Variants in ARHGEF11 observed in about 807,000 individuals in gnomAD.
ARHGEF11 encodes Rho guanine exchange factor (GEF) 11.
A neutral mutation model predicts 193.7 loss-of-function variants in ARHGEF11; 55 were observed. That is an observed-to-expected ratio of 0.28 (90% CI 0.23 to 0.36). ARHGEF11 has a LOEUF of 0.36. ARHGEF11 is among the 10% of genes least tolerant of loss of function. The pLI, the probability that ARHGEF11 is intolerant of heterozygous loss-of-function variation, is 1.00. For missense variants in ARHGEF11, 1,723 were observed against 2,005.6 expected (o/e 0.86, Z 2.69); for synonymous variants, 693 against 768.0 (o/e 0.90, Z 1.62).
intron 1 of ARHGEF11, 76 bp from the exon 2 acceptor site, chr1:156,986,249 C>T: frequency 3.1e-6 from 4 of 1,279,202 alleles, no homozygotes; most frequent in Non-Finnish European, 4.5e-6. Flanking sequence ...GAGGCTCTGT[C>T]AAAAGGGGCC....
Position 156,969,939 on chromosome 1 carries a change from C to T in ARHGEF11, c.748+59G>A. On this transcript the variant is annotated intron_variant, in intron 9 of 40. Coordinates refer to ENST00000368194, the MANE Select transcript of ARHGEF11 (RefSeq NM_198236.3). The stretch of plus-strand genomic sequence containing the variant: ...GAATCTGCCCCATGGGGAGGGTAAA[C>T]AGGTAAGAAACCTGGACTAGAGATA... 4 of 1,569,706 alleles carry T rather than the reference C, an allele frequency of 2.5e-6. No individual in the cohort carries two copies. The South Asian group carries it at 3.3e-5, about 13-fold the overall frequency.
chr1:156,963,701 C>G, intron 11 of ARHGEF11, 107 bp from the exon 12 acceptor site: 2 of 1,513,744 alleles, frequency 1.3e-6, no homozygotes, highest in Non-Finnish European at 1.8e-6. Context: ...CAAAGCCACC[C>G]GGGTCTGGTG....
intron 15 of ARHGEF11, 114 bp downstream of exon 15, chr1:156,960,304 C>T: frequency 6.0e-6 from 6 of 1,002,970 alleles, no homozygotes; most frequent in African/African-American, 3.2e-5. Flanking sequence ...TCCTCTATTA[C>T]AGGACGGTTG....
chr1:157,036,580 C>T (rs896912963), intron 1 of ARHGEF11, among the ~76,000 whole-genome samples: 2 of 152,038 alleles, frequency 1.3e-5, no homozygotes, highest in South Asian at 2.1e-4. Context: ...CCTCGGCCTC[C>T]CAAAGTGCTG....
chr1:157,043,899 G>A (rs544505774), intron 1 of ARHGEF11, among the ~76,000 whole-genome samples: 2 of 152,146 alleles, frequency 1.3e-5, no homozygotes, highest in Admixed American at 6.5e-5. Context: ...CCTCTGCCAG[G>A]GCCCTTCTCC....
intron 1 of ARHGEF11, among the ~76,000 whole-genome samples, chr1:157,010,677 G>T (rs1431925010): frequency 1.3e-5 from 2 of 152,110 alleles, no homozygotes; most frequent in East Asian, 3.9e-4. Context: ...CAAAGTGCTG[G>T]GATTATAGGC....
At chr1:156,990,985 G>A (rs1200366115) in intron 1 of ARHGEF11, among the ~76,000 whole-genome samples, 3 of 152,192 alleles carry the variant, frequency 2.0e-5, no homozygotes, top group Non-Finnish European at 4.4e-5. Flanking sequence ...TTAATGGACA[G>A]AGTTAGAAAA....
rs1380832544 is a variant in ARHGEF11, at chr1:156,948,033, C to T, written c.2154-77G>A. ...AGGGTTTGGCCCTCCCTCTCCTGCC[C>T]GACCTGCTTGCCCCATGCACATGGG... On this transcript the variant is annotated intron_variant, in intron 24 of 40. Transcript: ENST00000368194. This position sits in a 1 kb window ranked among gnomAD's most constrained non-coding sequence, Gnocchi z 4.2. 5 of 1,562,050 alleles carry T rather than the reference C, an allele frequency of 3.2e-6. No individual in the cohort carries two copies. The highest frequency in any genetic ancestry group is 1.8e-5 in the Admixed American group (1 of 56,004).
intron 19 of ARHGEF11, among the ~76,000 whole-genome samples, chr1:156,956,185 T>C (rs1659919657): frequency 6.6e-6 from 1 of 152,118 alleles, no homozygotes; most frequent in African/African-American, 2.4e-5. Context: ...GGTATGATCT[T>C]GGCTCACTGC....
At chr1:157,015,887 T>C (rs1417601714) in intron 1 of ARHGEF11, among the ~76,000 whole-genome samples, 1 of 152,210 alleles carries the variant, frequency 6.6e-6, no homozygotes, top group Non-Finnish European at 1.5e-5. Context: ...GTCACTTTGC[T>C]ATTATGGTCC....
intron 7 of ARHGEF11, among the ~76,000 whole-genome samples, chr1:156,974,288 G>C (rs1316741037): frequency 6.6e-6 from 1 of 152,014 alleles, no homozygotes; most frequent in Non-Finnish European, 1.5e-5. Context: ...GGCTGGTGTT[G>C]AACTCGTAGG....
intron 1 of ARHGEF11, among the ~76,000 whole-genome samples, chr1:156,996,005 A>C (rs1666431903): frequency 6.6e-6 from 1 of 152,240 alleles, no homozygotes; most frequent in African/African-American, 2.4e-5. Flanking sequence ...TTTAGACATC[A>C]AAATAAGCCT....
intron 1 of ARHGEF11, among the ~76,000 whole-genome samples, chr1:157,031,484 T>C (rs559024060): frequency 1.3e-5 from 2 of 152,366 alleles, no homozygotes; most frequent in African/African-American, 4.8e-5. Context: ...GGAAACCCTA[T>C]GGCACAAGAA....
chr1:156,964,059 G>C (rs1054817903), intron 11 of ARHGEF11, among the ~76,000 whole-genome samples: 2 of 152,158 alleles, frequency 1.3e-5, no homozygotes, highest in African/African-American at 4.8e-5. Flanking sequence ...GTAAGTACTG[G>C]TGGCTAAATA....
At chr1:156,984,970 G>A (rs751112643) in intron 2 of ARHGEF11, among the ~76,000 whole-genome samples, 1 of 151,648 alleles carries the variant, frequency 6.6e-6, no homozygotes, top group Non-Finnish European at 1.5e-5. Flanking sequence ...CACATGACAA[G>A]AAGAAAACCC....
At chr1:156,981,540 G>A (rs1013975902) in intron 3 of ARHGEF11, among the ~76,000 whole-genome samples, 8 of 152,182 alleles carry the variant, frequency 5.3e-5, no homozygotes, top group South Asian at 2.1e-4. Context: ...GCAGCGGTGC[G>A]ATTTTGGCTC....
chr1:157,028,815 A>G (rs1670953859), intron 1 of ARHGEF11, among the ~76,000 whole-genome samples: 1 of 152,182 alleles, frequency 6.6e-6, no homozygotes, highest in Admixed American at 6.5e-5. Flanking sequence ...AACCACCGTG[A>G]GATACCACTT....
chr1:156,954,785 G>A, intron 21 of ARHGEF11, 107 bp downstream of exon 21: 1 of 931,632 alleles, frequency 1.1e-6, no homozygotes, highest in Non-Finnish European at 1.7e-6. Flanking sequence ...AGGGAGGGAG[G>A]AGGAACAGGA....
intron 31 of ARHGEF11, 25 bp downstream of exon 31, chr1:156,944,333 T>C: frequency 6.2e-7 from 1 of 1,612,694 alleles, no homozygotes; most frequent in Non-Finnish European, 8.5e-7. Context: ...AGGTTCCTGC[T>C]CAGTCCCAGT....
Sources: allele counts gnomAD v4.1 joint callset (sites outside exome capture counted in the v4.1 genomes callset), GRCh38; gene constraint gnomAD v4.1.1; non-coding constraint Gnocchi (gnomAD v3.1); transcripts MANE v1.5; gene names NCBI Gene and HGNC (gene_info 2026-07-23, HGNC 2026-07-21).